Variants in AHNAK2 observed in about 807,000 individuals in gnomAD.
AHNAK2 encodes the protein AHNAK nucleoprotein 2, also known as protein AHNAK2.
A neutral mutation model predicts 30.7 loss-of-function variants in AHNAK2; 18 were observed. That is an observed-to-expected ratio of 0.59 (90% CI 0.41 to 0.87). The LOEUF (loss-of-function observed/expected upper bound fraction) is 0.87, where lower values mean the gene tolerates loss of function less well. Ranked by LOEUF, AHNAK2 falls within the 40% of genes least tolerant of loss-of-function variation. AHNAK2 has a pLI of 0.00. For missense variants in AHNAK2, 8,604 were observed against 7,373.0 expected (o/e 1.17, Z -6.11); for synonymous variants, 3,590 against 3,073.8 (o/e 1.17, Z -5.56).
chr14:104,947,667 A>G lies in AHNAK2; in HGVS notation c.7784T>C (p.Leu2595Pro), dbSNP rs770949212. Reference protein sequence around the residue: ...QLDVKGPKLDLKGPKAEVTAP... With the variant: ...QLDVKGPKLDPKGPKAEVTAP... Reference sequence around the variant, plus strand: ...TGTCACTTCCGCCTTGGGGCCTTTCAGGTCCAGCTTGGGGCCCTTGACATC... The same window carrying G: ...TGTCACTTCCGCCTTGGGGCCTTTCGGGTCCAGCTTGGGGCCCTTGACATC... Residue 2595 changes from leucine (L) to proline (P), a missense_variant, in exon 7 of 7, where the codon CTG becomes CCG. Physicochemically the swap from Leu to Pro is moderately conservative, Grantham distance 98. Coordinates refer to ENST00000333244, the MANE Select transcript of AHNAK2 (RefSeq NM_138420.4). The G allele has an allele frequency of 6.2e-6, 10 of 1,612,696 alleles. No homozygotes were observed. The East Asian group carries it at 1.8e-4, about 29-fold the overall frequency.
In AHNAK2 at chr14:104,938,669, A is replaced by G; in HGVS notation, c.16782T>C (p.Pro5594=). 1 of 1,612,512 alleles carries G rather than the reference A, an allele frequency of 6.2e-7. No homozygotes were observed. The highest frequency in any genetic ancestry group is 8.5e-7 in the Non-Finnish European group (1 of 1,179,226). The change falls in exon 7 of 7, where the codon CCT becomes CCC. Residue 5594 remains proline, a synonymous_variant. Transcript: ENST00000333244. ...AGCTGTCTGCAAGCTGGTGGCCAGA[A>G]GGAACTTCAAATGTGAGTGTTTGCT... is the stretch of plus-strand genomic sequence containing the variant. ...LGQQTLTFEV[P]SGHQLADSCS...
chr14:104,974,387 G>A (rs1899547806), intron 1 of AHNAK2, among the ~76,000 whole-genome samples: 1 of 152,246 alleles, frequency 6.6e-6, no homozygotes, highest in African/African-American at 2.4e-5. Context: ...CCCTCCAGCA[G>A]CTGACGCTGC....
chr14:104,943,986 A>T lies in AHNAK2; in HGVS notation c.11465T>A (p.Ile3822Asn), dbSNP rs756492476. Residue 3822 changes from isoleucine (I) to asparagine (N), a missense_variant, in exon 7 of 7, where the codon ATT becomes AAT. By Grantham distance (149) the Ile-to-Asn change is moderately radical. Transcript: ENST00000333244. ...SFGVSAPGKS[I>N]EASVHVSAPK... ...TGCAGACACGTGCACCGAGGCCTCA[A>T]TGGACTTGCCTGGGGCAGACACCCC... The T allele has an allele frequency of 6.2e-7, 1 of 1,612,390 alleles. No individual in the cohort carries two copies. Among genetic ancestry groups the T allele is most frequent in the South Asian group, 1.1e-5 (1 of 91,024 alleles).
chr14:104,943,677 G>A lies in AHNAK2; in HGVS notation c.11774C>T (p.Pro3925Leu). 1 of 1,613,396 alleles carries A rather than the reference G, an allele frequency of 6.2e-7. No homozygotes were observed. The highest frequency in any genetic ancestry group is 8.5e-7 in the Non-Finnish European group (1 of 1,179,706). Residue 3925 changes from proline (P) to leucine (L), a missense_variant, in exon 7 of 7, where the codon CCT (proline) becomes CTT (leucine). Physicochemically the swap from Pro to Leu is moderately conservative, Grantham distance 98 (BLOSUM62 -3). Coordinates refer to ENST00000333244, the MANE Select transcript of AHNAK2 (RefSeq NM_138420.4). ...GCTGGGCAGAGAAACCTCCACATCA[G>A]GGGCTGTCACTTCCACCTTGGGGTC... ...LKDPKVEVTA[P>L]DVEVSLPSVE... is the part of the protein sequence containing the mutation.
rs766545042 is a variant in AHNAK2 at position 104,953,722 on chromosome 14, C to T, written c.1729G>A (p.Glu577Lys). The part of the protein sequence containing the change: ...EEQDKGREDT[E>K]GQIRMPKFKI... ...AACTTGGGCATTCTTATCTGTCCTT[C>T]TGTGTCTTCCCTGCCCTTGTCCTGT... Residue 577 changes from glutamate (E) to lysine (K), a missense_variant, in exon 7 of 7, where the codon GAA becomes AAA. Coordinates refer to ENST00000333244, the MANE Select transcript of AHNAK2 (RefSeq NM_138420.4). The T allele has an allele frequency of 1.2e-6, 2 of 1,613,956 alleles. No homozygotes were observed. The highest frequency in any genetic ancestry group is 1.3e-5 in the African/African-American group (1 of 75,036).
chr14:104,951,520 C>A lies in AHNAK2; in HGVS notation c.3931G>T (p.Asp1311Tyr). ...PGAKLDGAQL[D>Y]GDLSLADKDV... ...TTGTCAGCCAGGGACAGGTCCCCGTCCAGCTGTGCGCCATCCAACTTGGCT... is the reference window on the plus strand; with the variant it reads ...TTGTCAGCCAGGGACAGGTCCCCGTACAGCTGTGCGCCATCCAACTTGGCT... The change falls in exon 7 of 7, where the codon GAC (aspartate) becomes TAC (tyrosine). Residue 1311 changes from aspartate (D) to tyrosine (Y), a missense_variant. Transcript: ENST00000333244. 2.4e-6 allele frequency: 3 copies of A among 1,247,946 alleles called. 1 individual carries two copies. The highest frequency in any genetic ancestry group is 3.4e-6 in the Non-Finnish European group (3 of 881,344). 77.3% of individuals were successfully genotyped at this position (1,247,946 alleles called of 1,614,324 possible).
In AHNAK2 at chr14:104,953,327, G is replaced by T. The variant is rs371990514; in HGVS notation, c.2124C>A (p.Asp708Glu). The change falls in exon 7 of 7, where the codon GAC (aspartate) becomes GAA (glutamate). Residue 708 changes from aspartate (D) to glutamate (E), a missense_variant. Physicochemically the swap from Asp to Glu is conservative, Grantham distance 45. Coordinates refer to ENST00000333244, the MANE Select transcript of AHNAK2 (RefSeq NM_138420.4). ...VDVSAPKVEA[D>E]VSLLSMQGDL... ...CCCCCTGCATGGAGAGGAGGCTCACGTCGGCCTCCACCTTCGGCGCAGACA... is the reference window on the plus strand; with the variant it reads ...CCCCCTGCATGGAGAGGAGGCTCACTTCGGCCTCCACCTTCGGCGCAGACA... 3 of 1,613,030 alleles carry T rather than the reference G, an allele frequency of 1.9e-6. No individual in the cohort carries two copies. Among genetic ancestry groups the T allele is most frequent in the South Asian group, 1.1e-5 (1 of 91,042 alleles).
chr14:104,950,515 G>C lies in AHNAK2; in HGVS notation c.4936C>G (p.Leu1646Val). 1.3e-6 allele frequency: 2 copies of C among 1,587,166 alleles called. No homozygotes were observed. The highest frequency in any genetic ancestry group is 2.2e-5 in the South Asian group (2 of 89,642). ...TTGGCAGTCACCGCCTTGTCGGCCA[G>C]GGACAGGTCCCCCTCCAGCTGCGCA... is the stretch of plus-strand genomic sequence containing the variant. ...DGAQLEGDLS[L>V]ADKAVTAKDS... The change falls in exon 7 of 7, where the codon CTG becomes GTG. Residue 1646 changes from leucine to valine, a missense_variant. Leu to Val is a conservative substitution (Grantham distance 32). Coordinates refer to ENST00000333244, the MANE Select transcript of AHNAK2 (RefSeq NM_138420.4).
rs372687621 is a variant in AHNAK2, at chr14:104,947,918, C to G, written c.7533G>C (p.Pro2511=). 92 of 1,612,488 alleles carry G rather than the reference C, an allele frequency of 5.7e-5. No homozygotes were observed. The highest frequency in any genetic ancestry group is 4.2e-4 in the Admixed American group (25 of 59,932). The change falls in exon 7 of 7, where the codon CCG becomes CCC. Residue 2511 remains proline, a synonymous_variant. Transcript: ENST00000333244. ...AGAGGCTCCCGTCGGCCTCCACCTT[C>G]GGCGCAGACACATCCACCGAGGCCT... is the stretch of plus-strand genomic sequence containing the variant. ...SIEASVDVSA[P]KVEADGSLSS...
In AHNAK2 at chr14:104,948,028, C is replaced by T; in HGVS notation, c.7423G>A (p.Asp2475Asn). The T allele has an allele frequency of 6.2e-7, 1 of 1,612,736 alleles. No individual in the cohort carries two copies. The highest frequency in any genetic ancestry group is 8.5e-7 in the Non-Finnish European group (1 of 1,179,612). Residue 2475 changes from aspartate to asparagine, a missense_variant, in exon 7 of 7, where the codon GAT becomes AAT. By Grantham distance (23) the Asp-to-Asn change is conservative. Coordinates refer to ENST00000333244, the MANE Select transcript of AHNAK2 (RefSeq NM_138420.4). ...LEGDLSVADK[D>N]VTTKDSRFKI... is the part of the protein sequence containing the mutation. ...AACCTGCTGTCTTTGGTAGTCACAT[C>T]CTTGTCCGCCACAGACAGGTCCCCC...
intron 1 of AHNAK2, among the ~76,000 whole-genome samples, chr14:104,973,469 G>A (rs1004373551): frequency 1.3e-5 from 2 of 152,198 alleles, no homozygotes; most frequent in African/African-American, 4.8e-5. Flanking sequence ...GAAGGCTGTG[G>A]CCCTAAACAA....
At position 104,952,547 on chromosome 14, in the gene AHNAK2, G is replaced by C. The variant is rs774840317; in HGVS notation, c.2904C>G (p.Val968=). The change falls in exon 7 of 7, where the codon GTC becomes GTG. Residue 968 remains valine (V), a synonymous_variant. Coordinates refer to ENST00000333244, the MANE Select transcript of AHNAK2 (RefSeq NM_138420.4). The part of the protein sequence containing the change: ...EVSLPSMEVD[V]QAQKAKLDGA... Reference sequence around the variant, plus strand: ...CATCCAGCTTGGCCTTCTGGGCCTGGACATCCACCTCCATGCTGGGCAGAG... The same window carrying C: ...CATCCAGCTTGGCCTTCTGGGCCTGCACATCCACCTCCATGCTGGGCAGAG... 1 of 1,612,660 alleles carries C rather than the reference G, an allele frequency of 6.2e-7. No homozygotes were observed. Among genetic ancestry groups the C allele is most frequent in the African/African-American group, 1.3e-5 (1 of 74,334 alleles).
chr14:104,978,168 C>A lies in AHNAK2; in HGVS notation c.55+15G>T, dbSNP rs1899645140. On this transcript the variant is annotated intron_variant, in intron 1 of 6. Coordinates refer to ENST00000333244, the MANE Select transcript of AHNAK2 (RefSeq NM_138420.4). ...CCGCCCCAGGGGAGCGGGCTGCAGG[C>A]GGGGAGGGGCGCACCGCTGCCGGGG... is the stretch of plus-strand genomic sequence containing the variant. 2.5e-6 allele frequency: 3 copies of A among 1,210,982 alleles called. No individual in the cohort carries two copies. Among genetic ancestry groups the A allele is most frequent in the Non-Finnish European group, 3.1e-6 (3 of 974,202 alleles). The allele number at this position is 1,210,982 out of a possible 1,614,324, so 75.0% of individuals were successfully genotyped here.
chr14:104,968,908 G>A (rs1318952837), intron 1 of AHNAK2, among the ~76,000 whole-genome samples: 1 of 152,212 alleles, frequency 6.6e-6, no homozygotes, highest in African/African-American at 2.4e-5. Flanking sequence ...GGAGGCGGGA[G>A]CCCTGTGGGA....
At position 104,941,941 on chromosome 14, in the gene AHNAK2, C is replaced by T; in HGVS notation, c.13510G>A (p.Gly4504Arg). The T allele has an allele frequency of 6.2e-7, 1 of 1,613,536 alleles. No individual in the cohort carries two copies. The highest frequency in any genetic ancestry group is 8.5e-7 in the Non-Finnish European group (1 of 1,179,672). ...EADMSIPSMQ[G>R]DLKTTDLRIQ... Reference sequence around the variant, plus strand: ...CGGAGGTCAGTGGTCTTGAGGTCCCCCTGCATGGAGGGAATGCTCATGTCG... The same window carrying T: ...CGGAGGTCAGTGGTCTTGAGGTCCCTCTGCATGGAGGGAATGCTCATGTCG... Residue 4504 changes from glycine to arginine, a missense_variant, in exon 7 of 7, where the codon GGG becomes AGG. Physicochemically the swap from Gly to Arg is moderately radical, Grantham distance 125. Transcript: ENST00000333244.
Position 104,953,300 on chromosome 14 carries a change from G to T in AHNAK2, c.2151C>A (p.Asp717Glu), listed in dbSNP as rs1566919724. Residue 717 changes from aspartate (D) to glutamate (E), a missense_variant, in exon 7 of 7, where the codon GAC (aspartate) becomes GAA (glutamate). Coordinates refer to ENST00000333244, the MANE Select transcript of AHNAK2 (RefSeq NM_138420.4). ...ADVSLLSMQG[D>E]LKTTDLSVQT... is the part of the protein sequence containing the mutation. ...GGACGCTGAGGTCAGTGGTCTTGAG[G>T]TCCCCCTGCATGGAGAGGAGGCTCA... The T allele has an allele frequency of 6.2e-7, 1 of 1,612,650 alleles. No individual in the cohort carries two copies. The highest frequency in any genetic ancestry group is 1.7e-5 in the Admixed American group (1 of 59,892).
At position 104,954,018 on chromosome 14, in the gene AHNAK2, C is replaced by G. The variant is rs779046065; in HGVS notation, c.1433G>C (p.Gly478Ala). The G allele has an allele frequency of 6.2e-7, 1 of 1,613,678 alleles. No homozygotes were observed. The highest frequency in any genetic ancestry group is 1.1e-5 in the South Asian group (1 of 91,086). The change falls in exon 7 of 7, where the codon GGC (glycine) becomes GCC (alanine). Residue 478 changes from glycine (G) to alanine (A), a missense_variant. Coordinates refer to ENST00000333244, the MANE Select transcript of AHNAK2 (RefSeq NM_138420.4). This position sits in a 1 kb window ranked among gnomAD's most constrained non-coding sequence, Gnocchi z 4.3. The stretch of plus-strand genomic sequence containing the variant: ...TACTCGCACCCTAATTTCTGGTGGG[C>G]CAATCTGTGTGCCTCCTTCGGTTGT... ...RDTTEGGTQI[G>A]PPEIRVRVHD...
intron 2 of AHNAK2, 23 bp downstream of exon 2, chr14:104,957,591 C>T (rs757346880): frequency 1.4e-5 from 22 of 1,607,278 alleles, no homozygotes; most frequent in Non-Finnish European, 1.6e-5. Context: ...GAGGAGGACA[C>T]ACTTCCTCCT....
rs1198434914 is a variant in AHNAK2, at chr14:104,978,286, T to C, written c.-49A>G. On this transcript the variant is annotated 5_prime_UTR_variant, in exon 1 of 7. Coordinates refer to ENST00000333244, the MANE Select transcript of AHNAK2 (RefSeq NM_138420.4). ...CTGGCGGCCCGTCGCGTCCAGTCGC[T>C]GGTCCCGGCTCCGGCGCACGGGGCG... 6.3e-6 allele frequency: 3 copies of C among 476,704 alleles called. No individual in the cohort carries two copies. Among genetic ancestry groups the C allele is most frequent in the Admixed American group, 6.3e-5 (1 of 15,844 alleles). 29.5% of individuals were successfully genotyped at this position (476,704 alleles called of 1,614,324 possible).
Sources: gnomAD v4.1 joint callset for allele counts (sites outside exome capture counted in the v4.1 genomes callset) on GRCh38, gnomAD v4.1.1 for gene constraint, Gnocchi (gnomAD v3.1) non-coding constraint, MANE v1.5 for transcripts, NCBI Gene and HGNC (gene_info 2026-07-23, HGNC 2026-07-21) for gene names.